Variants in MAGI2 observed in about 807,000 individuals in gnomAD.
MAGI2 encodes membrane-associated guanylate kinase, WW and PDZ domain-containing protein 2.
MAGI2 carries 35 observed loss-of-function variants against 133.3 expected under a neutral mutation model. The ratio of observed to expected loss-of-function variants is 0.26; its 90% CI spans 0.20 to 0.35. The LOEUF (loss-of-function observed/expected upper bound fraction) is 0.35. MAGI2 is among the 10% of genes least tolerant of loss of function. MAGI2 has a pLI of 1.00. For synonymous variants in MAGI2, 729 were observed against 710.6 expected, an observed-to-expected ratio of 1.03 and a Z score of -0.41; for missense variants, 1,636 against 1,863.4, an observed-to-expected ratio of 0.88 and a Z score of 2.25.
intron 1 of MAGI2, among the ~76,000 whole-genome samples, chr7:79,311,328 T>C (rs922376957): frequency 2.6e-5 from 4 of 152,130 alleles, no homozygotes; most frequent in South Asian, 2.1e-4. Context: ...ACACTAATAA[T>C]AGCTGATGAG....
chr7:79,194,349 C>A (rs1282709472), intron 1 of MAGI2, among the ~76,000 whole-genome samples: 1 of 151,880 alleles, frequency 6.6e-6, no homozygotes, highest in Non-Finnish European at 1.5e-5. Flanking sequence ...AATTTTGTTA[C>A]TTTCTAAGTT....
intron 2 of MAGI2, among the ~76,000 whole-genome samples, chr7:78,960,308 T>C (rs1371479533): frequency 1.3e-5 from 2 of 152,144 alleles, no homozygotes; most frequent in African/African-American, 4.8e-5. Flanking sequence ...TAAATATATA[T>C]GGTATAACGT....
At chr7:78,027,669 C>T (rs997637376) in intron 21 of MAGI2, among the ~76,000 whole-genome samples, 4 of 150,850 alleles carry the variant, frequency 2.7e-5, no homozygotes, top group African/African-American at 7.3e-5. Flanking sequence ...AGAAATATGA[C>T]CTGCAATCAG....
Position 79,224,193 on chromosome 7 carries a change from A to C in MAGI2, c.302-216987T>G, listed in dbSNP as rs144683407. On this transcript the variant is annotated intron_variant, in intron 1 of 21. Transcript: ENST00000354212. ...TTGACTCTCCCTCATATCTACCCCA[A>C]GGTCTCCTCCAACCCGTTTAGGTTC... 1.2e-4 allele frequency among the ~76,000 whole-genome samples: 18 copies of C among 152,114 alleles called. No individual in the cohort carries two copies. The East Asian group carries it at 3.1e-3, about 26-fold the overall frequency.
Position 78,883,061 on chromosome 7 carries a change from AATT to A in MAGI2, c.418+124026_418+124028del, listed in dbSNP as rs1795997544. 2.6e-5 allele frequency among the ~76,000 whole-genome samples: 4 copies of A among 152,188 alleles called. No individual in the cohort carries two copies. In the South Asian group the frequency reaches 8.3e-4, roughly 31 times the overall value. The stretch of plus-strand genomic sequence containing the variant: ...CATCAAACAGGAAAAGATGAAGTCA[AATT>A]ATCTTTCTTTGCTGATGATACAACT... On this transcript the variant is annotated intron_variant, in intron 2 of 21. Coordinates refer to ENST00000354212, the MANE Select transcript of MAGI2 (RefSeq NM_012301.4).
intron 2 of MAGI2, among the ~76,000 whole-genome samples, chr7:78,931,869 G>T (rs1318914522): frequency 6.6e-6 from 1 of 151,970 alleles, no homozygotes; most frequent in Non-Finnish European, 1.5e-5. Context: ...TACAGGTTGA[G>T]CATTCCTAAT....
At chr7:79,021,552 C>T (rs1809332927) in intron 1 of MAGI2, among the ~76,000 whole-genome samples, 1 of 152,180 alleles carries the variant, frequency 6.6e-6, no homozygotes, top group South Asian at 2.1e-4. Context: ...TTCAAGTTTG[C>T]ATGGGGCCGG....
intron 3 of MAGI2, among the ~76,000 whole-genome samples, chr7:78,607,497 T>G (rs937905132): frequency 1.4e-5 from 1 of 69,552 alleles, no homozygotes; most frequent in Non-Finnish European, 3.3e-5. Context: ...GAAGTCAAAC[T>G]TAAAAAAAAA....
chr7:78,237,262 G>C (rs752098917), intron 10 of MAGI2, among the ~76,000 whole-genome samples: 14 of 152,248 alleles, frequency 9.2e-5, no homozygotes, highest in South Asian at 4.2e-4. Context: ...TGTTTGCAGG[G>C]TGGGGTTAGA....
At chr7:78,258,432 T>C (rs1020113582) in intron 9 of MAGI2, among the ~76,000 whole-genome samples, 3 of 152,192 alleles carry the variant, frequency 2.0e-5, no homozygotes, top group African/African-American at 7.2e-5. Context: ...ACTTGTATAC[T>C]AACATCCAAC....
intron 1 of MAGI2, among the ~76,000 whole-genome samples, chr7:79,389,890 A>G (rs1368701201): frequency 1.3e-5 from 2 of 152,114 alleles, no homozygotes; most frequent in African/African-American, 4.8e-5. Flanking sequence ...CAAGGGACCT[A>G]GGGGAGACTC....
intron 1 of MAGI2, among the ~76,000 whole-genome samples, chr7:79,378,884 T>C (rs1843555052): frequency 6.9e-6 from 1 of 145,926 alleles, no homozygotes; most frequent in Admixed American, 6.9e-5. Flanking sequence ...AAATTTCTTG[T>C]AAACTTTCCA....
chr7:79,069,597 T>A (rs1814747997), intron 1 of MAGI2, among the ~76,000 whole-genome samples: 1 of 152,200 alleles, frequency 6.6e-6, no homozygotes, highest in Non-Finnish European at 1.5e-5. Flanking sequence ...CCATTTACAT[T>A]TACAAACATT....
intron 6 of MAGI2, among the ~76,000 whole-genome samples, chr7:78,451,312 C>T (rs900679921): frequency 5.3e-5 from 8 of 151,984 alleles, no homozygotes; most frequent in Admixed American, 6.6e-5. Flanking sequence ...GCATTAGAAA[C>T]GAGAGGGTTC....
intron 1 of MAGI2, among the ~76,000 whole-genome samples, chr7:79,239,220 C>CT (rs1255409181): frequency 6.6e-6 from 1 of 152,178 alleles, no homozygotes; most frequent in Non-Finnish European, 1.5e-5. Flanking sequence ...AGTAGTTACT[C>CT]TTTTTTTCCC....
At chr7:78,973,187 T>C (rs1016951758) in intron 2 of MAGI2, among the ~76,000 whole-genome samples, 1 of 151,934 alleles carries the variant, frequency 6.6e-6, no homozygotes, top group African/African-American at 2.4e-5. Flanking sequence ...ATATAATCTG[T>C]ACAGAAGCAC....
chr7:78,066,643 T>C (rs1270481976), intron 21 of MAGI2, among the ~76,000 whole-genome samples: 1 of 152,200 alleles, frequency 6.6e-6, no homozygotes, highest in African/African-American at 2.4e-5. Flanking sequence ...GCTCAGATCA[T>C]GGACTACAGT....
chr7:78,925,472 C>A (rs1415645769), intron 2 of MAGI2, among the ~76,000 whole-genome samples: 1 of 151,960 alleles, frequency 6.6e-6, no homozygotes, highest in African/African-American at 2.4e-5. Flanking sequence ...TCTTGCTATT[C>A]CCCTTCTTAT....
chr7:78,521,746 TTA>T lies in MAGI2; in HGVS notation c.539-103_539-102del, dbSNP rs1356512728. ...TATATTAACACATTTTTATCCTATT[TTA>T]TATGTACATACATAGACACATACAT... On this transcript the variant is annotated intron_variant, in intron 3 of 21. Transcript: ENST00000354212. The T allele has an allele frequency of 8.6e-6, 8 of 928,646 alleles. No individual in the cohort carries two copies. In the African/African-American group the frequency reaches 1.3e-4, roughly 15 times the overall value. The allele number at this position is 928,646 out of a possible 1,614,324, so 57.5% of individuals were successfully genotyped here.
Sources: gnomAD v4.1 joint callset for allele counts (sites outside exome capture counted in the v4.1 genomes callset) on GRCh38, gnomAD v4.1.1 for gene constraint, MANE v1.5 for transcripts, NCBI Gene and HGNC (gene_info 2026-07-23, HGNC 2026-07-21) for gene names.